Variants in NCOR2 observed in about 807,000 individuals in gnomAD.
NCOR2 encodes CTG repeat protein 26.
A neutral mutation model predicts 262.9 loss-of-function variants in NCOR2; 81 were observed. The ratio of observed to expected loss-of-function variants is 0.31; its 90% CI spans 0.26 to 0.37. NCOR2 has a LOEUF of 0.37. NCOR2 is among the 10% of genes least tolerant of loss of function. The probability of loss-of-function intolerance (pLI) is 1.00; values close to 1 mark genes in which losing one functional copy is unlikely to be tolerated. For synonymous variants in NCOR2, 1,659 were observed against 1,559.3 expected (o/e 1.06, Z -1.51); for missense variants, 3,385 against 3,621.4 (o/e 0.93, Z 1.68).
Position 124,479,569 on chromosome 12 carries a change from G to A in NCOR2, c.411+4027C>T, listed in dbSNP as rs1043450363. Among the ~76,000 whole-genome samples, 10 of 151,692 alleles carry A rather than the reference G, an allele frequency of 6.6e-5. 1 individual carries two copies. Among genetic ancestry groups the A allele is most frequent in the African/African-American group, 1.2e-4 (5 of 41,244 alleles). ...CCCACACACAAACGCGCACACACACGCACGCGCGCGCGCATGCACACACAC... is the reference window on the plus strand; with the variant it reads ...CCCACACACAAACGCGCACACACACACACGCGCGCGCGCATGCACACACAC... On this transcript the variant is annotated intron_variant, in intron 3 of 46. Coordinates refer to ENST00000405201, the Ensembl canonical transcript of NCOR2.
intron 3 of NCOR2, among the ~76,000 whole-genome samples, chr12:124,476,133 C>G (rs2047089080): frequency 6.6e-6 from 1 of 152,238 alleles, no homozygotes; most frequent in Admixed American, 6.5e-5. Context: ...ACCCCACCCA[C>G]AGCAAACCAT....
intron 13 of NCOR2, among the ~76,000 whole-genome samples, chr12:124,405,349 C>T (rs2042221219): frequency 6.6e-6 from 1 of 152,230 alleles, no homozygotes; most frequent in Non-Finnish European, 1.5e-5. Flanking sequence ...TGTTAACAAG[C>T]CCCCAGGGCA....
exon 11 of NCOR2, chr12:124,426,781 C>T (rs757147747): frequency 1.0e-5 from 16 of 1,581,726 alleles, no homozygotes; most frequent in Admixed American, 1.7e-5. Context: ...GGCCAGCTGG[C>T]GCATCTGCTT....
intron 18 of NCOR2, among the ~76,000 whole-genome samples, 154 bp from the exon 21 acceptor site, chr12:124,374,617 T>G (rs2039844972): frequency 6.6e-6 from 1 of 152,346 alleles, no homozygotes; most frequent in South Asian, 2.1e-4. Flanking sequence ...CCCTTCTCCA[T>G]GGACCGATGA....
intron 1 of NCOR2, among the ~76,000 whole-genome samples, chr12:124,521,937 G>A (rs1030049956): frequency 6.6e-6 from 1 of 152,176 alleles, no homozygotes; most frequent in African/African-American, 2.4e-5. Flanking sequence ...AGAATTGCTT[G>A]AACCAGGAGG....
chr12:124,355,680 C>G, intron 23 of NCOR2, 109 bp from the exon 26 acceptor site: 1 of 1,399,454 alleles, frequency 7.1e-7, no homozygotes, highest in Non-Finnish European at 9.4e-7. Context: ...CAGGAAGTGC[C>G]CATCCATGCG....
intron 16 of NCOR2, chr12:124,388,586 A>G (rs1471829990): frequency 8.2e-7 from 1 of 1,219,142 alleles, no homozygotes; most frequent in African/African-American, 1.6e-5. Context: ...CAGAACTCCG[A>G]CTCCCCAGCT....
chr12:124,489,633 T>C (rs2047971314), intron 1 of NCOR2, among the ~76,000 whole-genome samples: 1 of 151,192 alleles, frequency 6.6e-6, no homozygotes, highest in African/African-American at 2.4e-5. Flanking sequence ...CCCCCTGGCC[T>C]CAGAGGGTTC....
At chr12:124,327,278 A>AAAC (rs895260793) in intron 45 of NCOR2, 131 bp downstream of exon 47, 2 of 763,608 alleles carry the variant, frequency 2.6e-6, no homozygotes, top group Non-Finnish European at 4.2e-6. Flanking sequence ...GAACGAGGTC[A>AAAC]AACACGCACA....
In NCOR2 at chr12:124,483,161, G is replaced by A. The variant is rs2047589614; in HGVS notation, c.411+435C>T. Among the ~76,000 whole-genome samples, 2 of 152,084 alleles carry A rather than the reference G, an allele frequency of 1.3e-5. No individual in the cohort carries two copies. Among genetic ancestry groups the A allele is most frequent in the Admixed American group, 1.3e-4 (2 of 15,272 alleles). On this transcript the variant is annotated intron_variant, in intron 3 of 46. Transcript: ENST00000405201. The surrounding 1 kb of genome is among the most constrained non-coding windows in gnomAD (Gnocchi z 6.3). The stretch of plus-strand genomic sequence containing the variant: ...GAGCCCCCTGTTCCAAGCAAGCATG[G>A]AACCAAACAACCCACCCTCGAGGAA...
At chr12:124,375,289 T>C (rs537186659) in intron 18 of NCOR2, among the ~76,000 whole-genome samples, 1 of 152,290 alleles carries the variant, frequency 6.6e-6, no homozygotes, top group South Asian at 2.1e-4. Context: ...GGACCAGGGA[T>C]GAAACTTCTG....
intron 22 of NCOR2, among the ~76,000 whole-genome samples, chr12:124,359,354 G>A (rs1472526365): frequency 4.6e-5 from 7 of 152,184 alleles, no homozygotes; most frequent in African/African-American, 9.7e-5. Flanking sequence ...GTGTGACAGC[G>A]GAGGAGAGTG....
chr12:124,404,973 G>A (rs2042200758), intron 13 of NCOR2, among the ~76,000 whole-genome samples: 1 of 152,226 alleles, frequency 6.6e-6, no homozygotes, highest in Non-Finnish European at 1.5e-5. Flanking sequence ...TCGGAGCAAA[G>A]GCTGACGGCC....
At chr12:124,329,212 G>A in intron 44 of NCOR2, 1 of 460,178 alleles carries the variant, frequency 2.2e-6, no homozygotes, top group East Asian at 7.0e-5. Context: ...TGTAATCCCA[G>A]CACTTTGGGA....
chr12:124,373,317 AT>A, intron 19 of NCOR2, among the ~76,000 whole-genome samples: 1 of 25,162 alleles, frequency 4.0e-5, no homozygotes, highest in African/African-American at 8.9e-5. Context: ...ACAGTGGACA[AT>A]CATGAGGCCA....
chr12:124,347,982 T>C lies in NCOR2; in HGVS notation c.3986-71A>G. The C allele has an allele frequency of 2.0e-6, 3 of 1,503,932 alleles. No homozygotes were observed. The South Asian group carries it at 3.6e-5, about 18-fold the overall frequency. 93.2% of individuals were successfully genotyped at this position (1,503,932 alleles called of 1,614,324 possible). On this transcript the variant is annotated intron_variant, in intron 29 of 46. Transcript: ENST00000405201. The stretch of plus-strand genomic sequence containing the variant: ...GACACTGGGCAGTGACAGGGGTCAG[T>C]GTTTACAGCCGCCAGTGGTCATCCC...
In NCOR2 at chr12:124,335,674, G is replaced by A. The variant is rs758878871; in HGVS notation, c.6116-42C>T. Reference sequence around the variant, plus strand: ...GTGCAGAGTCAGGCACCGGGCCCAGGGTTTCGGAGCCCGAGGGGCAGGGCT... The same window carrying A: ...GTGCAGAGTCAGGCACCGGGCCCAGAGTTTCGGAGCCCGAGGGGCAGGGCT... On this transcript the variant is annotated intron_variant, in intron 38 of 46. Coordinates refer to ENST00000405201, the Ensembl canonical transcript of NCOR2. The A allele has an allele frequency of 1.8e-5, 28 of 1,562,052 alleles. No homozygotes were observed. The East Asian group carries it at 5.4e-4, about 30-fold the overall frequency.
At chr12:124,384,792 G>A (rs936520490) in intron 17 of NCOR2, among the ~76,000 whole-genome samples, 1 of 152,102 alleles carries the variant, frequency 6.6e-6, no homozygotes, top group African/African-American at 2.4e-5. Flanking sequence ...AAGGCAGCCC[G>A]ATGTCATGGT....
rs2035256800 is a variant in NCOR2 at position 124,332,182 on chromosome 12, G to A, written c.6904+137C>T. The A allele has an allele frequency of 5.6e-6, 6 of 1,068,010 alleles. No individual in the cohort carries two copies. The Admixed American group carries it at 6.9e-5, about 12-fold the overall frequency. 66.2% of individuals were successfully genotyped at this position (1,068,010 alleles called of 1,614,324 possible). A position where few individuals can be genotyped will look rare whatever the true frequency, so the allele number is the denominator to read the frequency against. On this transcript the variant is annotated intron_variant, in intron 43 of 46. Transcript: ENST00000405201. ...CCCAAATGTGAGGCAAAGGGCCTGG[G>A]GGGAGGTGGTCAGCAGGGCCACTTA...
Sources: allele counts gnomAD v4.1 joint callset (sites outside exome capture counted in the v4.1 genomes callset), GRCh38; gene constraint gnomAD v4.1.1; non-coding constraint Gnocchi (gnomAD v3.1); transcripts MANE v1.5; gene names NCBI Gene and HGNC (gene_info 2026-07-23, HGNC 2026-07-21).